Variants in SUPT3H observed in about 807,000 individuals in gnomAD.
SUPT3H encodes the protein SPT3 homolog, SAGA and STAGA complex component.
In SUPT3H, 44 loss-of-function variants were observed where a neutral mutation model predicts 44.3. The observed-to-expected ratio is 0.99, with a 90% confidence interval of 0.78 to 1.28. SUPT3H has a LOEUF of 1.28. Ranked by LOEUF, SUPT3H falls within the 50% of genes most tolerant of loss-of-function variation. SUPT3H has a pLI of 0.00. For synonymous variants in SUPT3H, 124 were observed against 125.6 expected (o/e 0.99, Z 0.09); for missense variants, 380 against 387.1 (o/e 0.98, Z 0.15).
At chr6:45,150,302 T>C (rs1350201163) in intron 2 of SUPT3H, among the ~76,000 whole-genome samples, 1 of 152,120 alleles carries the variant, frequency 6.6e-6, no homozygotes, top group East Asian at 1.9e-4. Context: ...TCCCTAAAAA[T>C]ATTACTTGGG....
chr6:45,266,485 T>C (rs1584577284), intron 2 of SUPT3H, among the ~76,000 whole-genome samples: 2 of 151,814 alleles, frequency 1.3e-5, no homozygotes, highest in African/African-American at 4.8e-5. Context: ...TACACTTAAG[T>C]CAAATGCATG....
intron 2 of SUPT3H, among the ~76,000 whole-genome samples, chr6:45,339,023 TATA>T (rs1368298536): frequency 8.5e-5 from 13 of 152,140 alleles, no homozygotes; most frequent in Non-Finnish European, 1.6e-4. Flanking sequence ...AATAAGGTAA[TATA>T]AGAAGAAAAA....
intron 6 of SUPT3H, among the ~76,000 whole-genome samples, chr6:44,970,733 G>A (rs1415238756): frequency 2.0e-5 from 3 of 152,158 alleles, no homozygotes; most frequent in African/African-American, 7.2e-5. Flanking sequence ...AGTACAGCAA[G>A]CATATAGGGA....
rs537755752 is a variant in SUPT3H at position 44,906,193 on chromosome 6, T to C, written c.912+26460A>G. Among the ~76,000 whole-genome samples, 27 of 152,328 alleles carry C rather than the reference T, an allele frequency of 1.8e-4. No homozygotes were observed. In the South Asian group the frequency reaches 5.6e-3, roughly 32 times the overall value. On this transcript the variant is annotated intron_variant, in intron 10 of 10. Coordinates refer to ENST00000371459, the MANE Select transcript of SUPT3H (RefSeq NM_003599.4). ...TATAATAAAACTATTTTAGTTATTT[T>C]GAAGAAATATAAAGCCATAACAAAA...
intron 2 of SUPT3H, among the ~76,000 whole-genome samples, chr6:45,308,086 G>A (rs1386083347): frequency 2.6e-5 from 4 of 152,148 alleles, no homozygotes; most frequent in African/African-American, 2.4e-5. Flanking sequence ...CAAAAGCAAA[G>A]CCTCCAAGAA....
intron 2 of SUPT3H, among the ~76,000 whole-genome samples, chr6:45,129,089 T>A (rs1803000296): frequency 1.3e-5 from 2 of 152,202 alleles, no homozygotes; most frequent in Admixed American, 1.3e-4. Flanking sequence ...GATGAATATT[T>A]CCCATACATA....
At chr6:45,276,660 A>G (rs1235759501) in intron 2 of SUPT3H, among the ~76,000 whole-genome samples, 1 of 152,200 alleles carries the variant, frequency 6.6e-6, no homozygotes, top group Admixed American at 6.5e-5. Context: ...TTTAAAATGT[A>G]TTGCATTTTT....
At chr6:44,901,140 C>G (rs996975953) in intron 10 of SUPT3H, among the ~76,000 whole-genome samples, 12 of 146,750 alleles carry the variant, frequency 8.2e-5, no homozygotes, top group South Asian at 2.1e-4. Context: ...AGGAACGCAG[C>G]TCCTCACCAG....
At chr6:44,824,907 G>A (rs945692891), downstream of SUPT3H, among the ~76,000 whole-genome samples, 1 of 152,148 alleles carries the variant, frequency 6.6e-6, no homozygotes, top group Admixed American at 6.5e-5. Flanking sequence ...GAAAAACTAT[G>A]ACTACTATAT....
chr6:45,059,600 G>C (rs2153541198), intron 3 of SUPT3H, among the ~76,000 whole-genome samples: 1 of 152,154 alleles, frequency 6.6e-6, no homozygotes, highest in Non-Finnish European at 1.5e-5. Context: ...AATCAGGCAA[G>C]AGAAAGAAAT....
Position 45,228,930 on chromosome 6 carries a change from G to A in SUPT3H, c.102-122924C>T, listed in dbSNP as rs536033383. ...GCTGGGATTACAGGCATGAGCCACC[G>A]TGCCCAACCTAAAAATAAATTCTTA... On this transcript the variant is annotated intron_variant, in intron 2 of 10. Coordinates refer to ENST00000371459, the MANE Select transcript of SUPT3H (RefSeq NM_003599.4). Among the ~76,000 whole-genome samples the A allele has an allele frequency of 1.5e-4, 23 of 152,208 alleles. 1 individual carries two copies. The highest frequency in any genetic ancestry group is 2.6e-4 in the Non-Finnish European group (18 of 68,000).
At chr6:45,120,350 C>T (rs1038245792) in intron 2 of SUPT3H, among the ~76,000 whole-genome samples, 3 of 127,024 alleles carry the variant, frequency 2.4e-5, no homozygotes, top group East Asian at 2.5e-4. Context: ...TTTGGGAGGT[C>T]GAGGAGGGAG....
chr6:44,881,852 G>A (rs980462373), intron 10 of SUPT3H, among the ~76,000 whole-genome samples: 1 of 152,054 alleles, frequency 6.6e-6, no homozygotes, highest in South Asian at 2.1e-4. Flanking sequence ...ACTAAGACAT[G>A]ACGTACAAGA....
intron 10 of SUPT3H, among the ~76,000 whole-genome samples, chr6:44,866,458 AAT>A (rs750855869): frequency 8.0e-5 from 12 of 150,656 alleles, no homozygotes; most frequent in Admixed American, 1.3e-4. Flanking sequence ...TCTCTTAGGT[AAT>A]ATATATATAT....
chr6:44,823,185 A>T (rs976202301), downstream of SUPT3H, among the ~76,000 whole-genome samples: 4 of 152,012 alleles, frequency 2.6e-5, no homozygotes, highest in African/African-American at 9.7e-5. Flanking sequence ...AATGACAAAG[A>T]GGTGTTAATT....
chr6:45,350,318 T>A (rs1791761589), intron 2 of SUPT3H, among the ~76,000 whole-genome samples: 2 of 152,228 alleles, frequency 1.3e-5, no homozygotes, highest in South Asian at 4.1e-4. Flanking sequence ...CTAGATTAAA[T>A]GTGGTCTGCC....
intron 10 of SUPT3H, among the ~76,000 whole-genome samples, chr6:44,857,634 T>C (rs1773953092): frequency 6.6e-6 from 1 of 152,228 alleles, no homozygotes; most frequent in African/African-American, 2.4e-5. Context: ...TTCTTTTCTA[T>C]TCTGGAGGCC....
At chr6:45,076,426 C>T (rs772448766) in intron 3 of SUPT3H, among the ~76,000 whole-genome samples, 1 of 151,808 alleles carries the variant, frequency 6.6e-6, no homozygotes, top group Non-Finnish European at 1.5e-5. Flanking sequence ...GCTCTACATC[C>T]TACAGGTAAT....
intron 9 of SUPT3H, among the ~76,000 whole-genome samples, chr6:44,946,194 G>A (rs1773311474): frequency 6.6e-6 from 1 of 152,112 alleles, no homozygotes; most frequent in Admixed American, 6.5e-5. Context: ...AATAATTACT[G>A]CTCATTGACA....
Sources: gnomAD v4.1 joint callset for allele counts (sites outside exome capture counted in the v4.1 genomes callset) on GRCh38, gnomAD v4.1.1 for gene constraint, MANE v1.5 for transcripts, NCBI Gene and HGNC (gene_info 2026-07-23, HGNC 2026-07-21) for gene names.